SNTB2: variants seen among roughly 807,000 people sequenced by gnomAD.
SNTB2 encodes the protein syntrophin beta 2.
A neutral mutation model predicts 46.2 loss-of-function variants in SNTB2; 34 were observed. That is an observed-to-expected ratio of 0.74 (90% confidence interval 0.56 to 0.98). The LOEUF is 0.98. Among genes scored for constraint, SNTB2 ranks in the 50% least tolerant of loss-of-function variants. The probability of loss-of-function intolerance (pLI) is 0.00; values close to 1 mark genes in which losing one functional copy is unlikely to be tolerated. For synonymous variants in SNTB2, 290 were observed against 312.6 expected (o/e 0.93, Z 0.76); for missense variants, 603 against 731.4 (o/e 0.82, Z 2.02).
intron 3 of SNTB2, among the ~76,000 whole-genome samples, chr16:69,261,534 G>C (rs1479690889): frequency 2.0e-5 from 3 of 151,766 alleles, no homozygotes. Context: ...TATAATAAAT[G>C]AGAATGTAAT....
At position 69,255,368 on chromosome 16, in the gene SNTB2, T is replaced by C. The variant is rs1964763097; in HGVS notation, c.795-4682T>C. ...ACGAGGTCAGGAGATCGAAACCATC[T>C]GGCTAACATGGTGAAACCCCGTATC... On this transcript the variant is annotated intron_variant, in intron 2 of 6. Transcript: ENST00000336278. Among the ~76,000 whole-genome samples, 4 of 151,886 alleles carry C rather than the reference T, an allele frequency of 2.6e-5. No homozygotes were observed. In the South Asian group the frequency reaches 8.3e-4, roughly 32 times the overall value.
chr16:69,265,271 C>T (rs1964873511), intron 3 of SNTB2, among the ~76,000 whole-genome samples: 1 of 151,958 alleles, frequency 6.6e-6, no homozygotes, highest in Non-Finnish European at 1.5e-5. Context: ...GGCAAGACAA[C>T]CAAGGAAAAG....
chr16:69,228,266 G>T (rs1172592320), intron 1 of SNTB2, among the ~76,000 whole-genome samples: 1 of 152,030 alleles, frequency 6.6e-6, no homozygotes, highest in Non-Finnish European at 1.5e-5. Flanking sequence ...AGCACTTTGG[G>T]AGGCTGACGA....
chr16:69,230,995 G>C (rs552760201), intron 1 of SNTB2: 9 of 141,636 alleles, frequency 6.4e-5, no homozygotes. Flanking sequence ...CGCCCGCCTC[G>C]GCCTCCCAAA....
intron 5 of SNTB2, among the ~76,000 whole-genome samples, chr16:69,291,942 G>A (rs1965163339): frequency 6.7e-6 from 1 of 149,108 alleles, no homozygotes; most frequent in South Asian, 2.1e-4. Context: ...TAAATAGGCT[G>A]GGCACGGTGG....
At chr16:69,275,447 TA>T (rs531261714) in intron 4 of SNTB2, among the ~76,000 whole-genome samples, 30 of 152,244 alleles carry the variant, frequency 2.0e-4, no homozygotes, top group African/African-American at 6.0e-4. Flanking sequence ...TGGATTAGAA[TA>T]AAAAAAGACA....
chr16:69,291,274 A>G (rs1486749864), intron 5 of SNTB2, among the ~76,000 whole-genome samples: 1 of 152,182 alleles, frequency 6.6e-6, no homozygotes, highest in Non-Finnish European at 1.5e-5. Context: ...TATGGCTGCT[A>G]GAGAGATGGG....
chr16:69,278,062 G>A (rs775544561), intron 4 of SNTB2, among the ~76,000 whole-genome samples: 1 of 152,136 alleles, frequency 6.6e-6, no homozygotes, highest in East Asian at 1.9e-4. Flanking sequence ...CGCGCCTATT[G>A]TCCCAACTAC....
intron 1 of SNTB2, among the ~76,000 whole-genome samples, chr16:69,202,572 T>A (rs774567170): frequency 1.3e-4 from 20 of 152,058 alleles, no homozygotes; most frequent in East Asian, 3.9e-4. Context: ...TCAGTAATTT[T>A]TTTTTTATTT....
Position 69,260,145 on chromosome 16 carries a change from C to G in SNTB2, c.890C>G (p.Thr297Ser). 6.2e-7 allele frequency: 1 copy of G among 1,614,080 alleles called. No homozygotes were observed. The highest frequency in any genetic ancestry group is 8.5e-7 in the Non-Finnish European group (1 of 1,180,022). The change falls in exon 3 of 7, where the codon ACC (threonine) becomes AGC (serine). Residue 297 changes from threonine (T) to serine (S), a missense_variant. Physicochemically the swap from Thr to Ser is moderately conservative, Grantham distance 58. Transcript: ENST00000336278. Reference sequence around the variant, plus strand: ...CACTCCTGGTTCGTAGCTATCCACACCAACATAATGGCTCTCCTCCCACAG... The same window carrying G: ...CACTCCTGGTTCGTAGCTATCCACAGCAACATAATGGCTCTCCTCCCACAG... ...TAHSWFVAIHTNIMALLPQVL... is the reference protein window; with the variant it reads ...TAHSWFVAIHSNIMALLPQVL...
At chr16:69,249,226 A>G (rs771269402) in intron 2 of SNTB2, among the ~76,000 whole-genome samples, 18 of 151,898 alleles carry the variant, frequency 1.2e-4, no homozygotes, top group African/African-American at 3.9e-4. Flanking sequence ...GGGTTTTGCT[A>G]CATTGCCCAG....
rs1312152051 is a variant in SNTB2 at position 69,306,350 on chromosome 16, A to G, written c.*5426A>G. On this transcript the variant is annotated 3_prime_UTR_variant, in exon 7 of 7. Transcript: ENST00000336278. ...AATAAGTTTCTTCTTTTGTTTCAAA[A>G]CAAACTTGAGCTTCATTTCTTGCCA... 1.3e-5 allele frequency: 2 copies of G among 152,242 alleles called. No individual in the cohort carries two copies. Among genetic ancestry groups the G allele is most frequent in the African/African-American group, 4.8e-5 (2 of 41,472 alleles). The allele number at this position is 152,242 out of a possible 1,614,324, so 9.4% of individuals were successfully genotyped here. A position where few individuals can be genotyped will look rare whatever the true frequency, so the allele number is the denominator to read the frequency against.
At chr16:69,196,917 T>C (rs1964111145) in intron 1 of SNTB2, among the ~76,000 whole-genome samples, 1 of 152,230 alleles carries the variant, frequency 6.6e-6, no homozygotes, top group African/African-American at 2.4e-5. Flanking sequence ...ACAGGATTTA[T>C]TGTTATGATT....
At chr16:69,280,152 A>G (rs1965025858) in intron 4 of SNTB2, among the ~76,000 whole-genome samples, 1 of 152,210 alleles carries the variant, frequency 6.6e-6, no homozygotes, top group African/African-American at 2.4e-5. Context: ...GACACAGCAC[A>G]TGTTTCAGAG....
In SNTB2 at chr16:69,304,570, T is replaced by A. The variant is rs1483720836; in HGVS notation, c.*3646T>A. On this transcript the variant is annotated 3_prime_UTR_variant, in exon 7 of 7. Transcript: ENST00000336278. The stretch of plus-strand genomic sequence containing the variant: ...ACAAATACCTAACATTATTACTGAT[T>A]GTTTTCCTAATTTATCCTCCTAAGT... The A allele has an allele frequency of 6.6e-6, 1 of 152,410 alleles. No individual in the cohort carries two copies. The highest frequency in any genetic ancestry group is 1.5e-5 in the Non-Finnish European group (1 of 68,038). 9.4% of individuals were successfully genotyped at this position (152,410 alleles called of 1,614,324 possible).
intron 1 of SNTB2, among the ~76,000 whole-genome samples, chr16:69,200,474 T>C (rs1279811970): frequency 1.3e-5 from 2 of 152,074 alleles, no homozygotes; most frequent in Non-Finnish European, 2.9e-5. Context: ...TTCAGGCCCA[T>C]GGGTTGAAAT....
intron 1 of SNTB2, among the ~76,000 whole-genome samples, chr16:69,228,614 A>T (rs1964479815): frequency 6.6e-6 from 1 of 152,146 alleles, no homozygotes; most frequent in Admixed American, 6.6e-5. Flanking sequence ...ACTGGAATTA[A>T]AATCTGGATC....
intron 1 of SNTB2, among the ~76,000 whole-genome samples, chr16:69,213,450 T>C (rs1964309933): frequency 6.6e-6 from 1 of 152,156 alleles, no homozygotes; most frequent in Non-Finnish European, 1.5e-5. Context: ...TTATATACTT[T>C]GAAAAAATTT....
intron 4 of SNTB2, 117 bp downstream of exon 4, chr16:69,270,402 TA>T: frequency 7.8e-7 from 1 of 1,284,926 alleles, no homozygotes; most frequent in Non-Finnish European, 1.1e-6. Context: ...GTAGCGGATA[TA>T]GTTGATGCAG....
Sources: gnomAD v4.1 joint callset for allele counts (sites outside exome capture counted in the v4.1 genomes callset) on GRCh38, gnomAD v4.1.1 for gene constraint, MANE v1.5 for transcripts, NCBI Gene and HGNC (gene_info 2026-07-23, HGNC 2026-07-21) for gene names.